Variants in VIT observed in about 807,000 individuals in gnomAD.
VIT encodes the protein vitrin.
VIT carries 99 observed loss-of-function variants against 78.0 expected under a neutral mutation model. The observed-to-expected ratio is 1.27, with a 90% confidence interval of 1.08 to 1.50. VIT has a LOEUF of 1.50. Ranked by LOEUF, VIT falls within the 40% of genes most tolerant of loss-of-function variation. VIT has a pLI of 0.00. For synonymous variants in VIT, 374 were observed against 334.3 expected (o/e 1.12, Z -1.29); for missense variants, 1,126 against 875.3 (o/e 1.29, Z -3.61).
At chr2:36,754,048 C>T (rs1668623538) in intron 4 of VIT, among the ~76,000 whole-genome samples, 1 of 152,190 alleles carries the variant, frequency 6.6e-6, no homozygotes. Flanking sequence ...TGGGACACCA[C>T]ACGTTGAGAA....
rs146011119 is a variant in VIT at position 36,808,748 on chromosome 2, T to A, written c.1666T>A (p.Tyr556Asn). 1.1e-5 allele frequency: 18 copies of A among 1,613,962 alleles called. No homozygotes were observed. The highest frequency in any genetic ancestry group is 1.5e-5 in the Non-Finnish European group (18 of 1,179,954). Residue 556 changes from tyrosine to asparagine, a missense_variant, in exon 15 of 16, where the codon TAC becomes AAC. Physicochemically the swap from Tyr to Asn is moderately radical, Grantham distance 143. Transcript: ENST00000379242. ...DTRIGAVQYT[Y>N]EQRLEFGFDK... ...GCGCATCGGGGCCGTGCAGTACACC[T>A]ACGAACAGCGGCTGGAGTTTGGGTT...
At chr2:36,766,714 G>A (rs1207808824) in intron 6 of VIT, among the ~76,000 whole-genome samples, 2 of 152,114 alleles carry the variant, frequency 1.3e-5, no homozygotes, top group Non-Finnish European at 2.9e-5. Context: ...TGCACCTTCT[G>A]TCTTCTATTC....
At chr2:36,731,161 T>C (rs1201243175) in intron 3 of VIT, among the ~76,000 whole-genome samples, 2 of 152,096 alleles carry the variant, frequency 1.3e-5, no homozygotes, top group Non-Finnish European at 2.9e-5. Context: ...GGCTGCCTCC[T>C]ACCGCTCTCA....
Position 36,808,799 on chromosome 2 carries a change from A to C in VIT, c.1717A>C (p.Ile573Leu). Residue 573 changes from isoleucine to leucine, a missense_variant, in exon 15 of 16, where the codon ATC becomes CTC. Transcript: ENST00000379242. ...GFDKYSSKPD[I>L]LNAIKRVGYW... ...CGACAAGTACAGCAGCAAGCCTGAC[A>C]TCCTCAACGCCATCAAGAGGGTGGG... 6.2e-7 allele frequency: 1 copy of C among 1,614,128 alleles called. No individual in the cohort carries two copies. The highest frequency in any genetic ancestry group is 1.7e-5 in the Admixed American group (1 of 60,014).
At chr2:36,760,097 C>A (rs550371199) in intron 6 of VIT, among the ~76,000 whole-genome samples, 4 of 151,676 alleles carry the variant, frequency 2.6e-5, no homozygotes, top group African/African-American at 9.7e-5. Flanking sequence ...CAGGTTCAAG[C>A]GATTCTCCTG....
chr2:36,775,000 A>C lies in VIT; in HGVS notation c.737-2A>C, dbSNP rs763422454. 5.0e-6 allele frequency: 8 copies of C among 1,614,038 alleles called. No individual in the cohort carries two copies. The highest frequency in any genetic ancestry group is 2.7e-5 in the African/African-American group (2 of 74,948). ...TCGGCTGACCCTGTGTAATCCCCTC[A>C]GGTATCCAAAGGCAAGATCCTTCAG... On this transcript the variant is annotated splice_acceptor_variant, in intron 8 of 15. Coordinates refer to ENST00000379242, the MANE Select transcript of VIT (RefSeq NM_053276.4). LOFTEE classifies it high-confidence loss of function.
intron 9 of VIT, among the ~76,000 whole-genome samples, 154 bp downstream of exon 9, chr2:36,775,221 G>A (rs558941670): frequency 3.9e-5 from 6 of 152,286 alleles, no homozygotes; most frequent in African/African-American, 4.8e-5. Flanking sequence ...TTTTAACCTC[G>A]AGAAAATGTC....
chr2:36,797,300 G>C (rs1353312112), intron 12 of VIT, among the ~76,000 whole-genome samples: 3 of 152,190 alleles, frequency 2.0e-5, no homozygotes, highest in East Asian at 3.8e-4. Flanking sequence ...GAAACACTTA[G>C]AGCCAACTGG....
intron 2 of VIT, among the ~76,000 whole-genome samples, chr2:36,721,392 C>T (rs916264075): frequency 6.6e-6 from 1 of 152,108 alleles, no homozygotes; most frequent in African/African-American, 2.4e-5. Flanking sequence ...CCATCTCTCT[C>T]CTCTGCTCAC....
chr2:36,792,229 G>A (rs1419206482), intron 12 of VIT, among the ~76,000 whole-genome samples: 2 of 152,094 alleles, frequency 1.3e-5, no homozygotes, highest in Non-Finnish European at 2.9e-5. Flanking sequence ...TGATTTTCCA[G>A]GGCCTAGTGC....
At chr2:36,706,799 A>G (rs958883188) in intron 1 of VIT, among the ~76,000 whole-genome samples, 1 of 152,262 alleles carries the variant, frequency 6.6e-6, no homozygotes, top group African/African-American at 2.4e-5. Context: ...AGTGAAAAGT[A>G]CTATGCAAAT....
chr2:36,712,969 C>T (rs2148440012), intron 1 of VIT, among the ~76,000 whole-genome samples: 1 of 152,318 alleles, frequency 6.6e-6, no homozygotes, highest in South Asian at 2.1e-4. Context: ...ATTGATTCAA[C>T]ACATATTTAC....
At chr2:36,803,703 C>A (rs1319225471) in intron 13 of VIT, among the ~76,000 whole-genome samples, 2 of 152,152 alleles carry the variant, frequency 1.3e-5, no homozygotes, top group East Asian at 3.8e-4. Flanking sequence ...TCTCATTTGA[C>A]AAGTAAGATA....
chr2:36,791,901 G>A (rs1317906445), intron 12 of VIT, among the ~76,000 whole-genome samples: 2 of 152,082 alleles, frequency 1.3e-5, no homozygotes, highest in East Asian at 1.9e-4. Context: ...AACTGGCAAC[G>A]AGGACCACTC....
At chr2:36,783,491 C>A in intron 11 of VIT, 89 bp downstream of exon 11, 1 of 1,292,806 alleles carries the variant, frequency 7.7e-7, no homozygotes, top group Non-Finnish European at 1.1e-6. Context: ...CTCAAACCTG[C>A]CTCTCTCCTA....
In VIT at chr2:36,814,291, A is replaced by G. The variant is rs747435872; in HGVS notation, c.2012A>G (p.Asn671Ser). Residue 671 changes from asparagine (N) to serine (S), a missense_variant, in exon 16 of 16, where the codon AAC becomes AGC. Transcript: ENST00000379242. ...TCCTTCTTTGTGGACGAGTTTGACA[A>G]CCTCCATCAGTATGTCCCCAGGATC... ...DHSFFVDEFD[N>S]LHQYVPRIIQ... 3.1e-6 allele frequency: 5 copies of G among 1,614,084 alleles called. No homozygotes were observed. The South Asian group carries it at 3.3e-5, about 11-fold the overall frequency.
chr2:36,723,640 C>T (rs775849409), intron 2 of VIT, among the ~76,000 whole-genome samples: 13 of 152,056 alleles, frequency 8.5e-5, no homozygotes, highest in Non-Finnish European at 1.2e-4. Flanking sequence ...TTTTAACTGT[C>T]CTGATTGTCA....
At chr2:36,811,044 G>A (rs1004251377) in intron 15 of VIT, among the ~76,000 whole-genome samples, 12 of 152,186 alleles carry the variant, frequency 7.9e-5, no homozygotes, top group African/African-American at 2.9e-4. Flanking sequence ...CTGGTTCCTA[G>A]AATCCAAAGT....
intron 12 of VIT, chr2:36,787,640 G>A (rs1035325124): frequency 3.0e-5 from 10 of 332,918 alleles, no homozygotes; most frequent in South Asian, 2.4e-4. Flanking sequence ...CTCATCTGTA[G>A]ATCATGAAGG....
Sources: allele counts gnomAD v4.1 joint callset (sites outside exome capture counted in the v4.1 genomes callset), GRCh38; gene constraint gnomAD v4.1.1; transcripts MANE v1.5; gene names NCBI Gene and HGNC (gene_info 2026-07-23, HGNC 2026-07-21).